The following PIK3R5 variants were observed in gnomAD, a reference collection of about 807,000 sequenced individuals.
The protein encoded by PIK3R5 is phosphoinositide 3-kinase regulatory subunit 5.
In PIK3R5, 32 loss-of-function variants were observed where a neutral mutation model predicts 94.9. That is an observed-to-expected ratio of 0.34 (90% CI 0.25 to 0.45). The LOEUF is 0.45. Among genes scored for constraint, PIK3R5 ranks in the 20% least tolerant of loss-of-function variants. The pLI is 1.00. For missense variants in PIK3R5, 853 were observed against 1,144.6 expected (o/e 0.75, Z 3.68); for synonymous variants, 443 against 479.4 (o/e 0.92, Z 0.99).
At chr17:8,933,027 G>A (rs562130216) in intron 1 of PIK3R5, among the ~76,000 whole-genome samples, 20 of 152,196 alleles carry the variant, frequency 1.3e-4, no homozygotes, top group African/African-American at 4.3e-4. Flanking sequence ...AGAAAACAAC[G>A]AGAAAAACTA....
chr17:8,899,339 G>T lies in PIK3R5; in HGVS notation c.412+5438C>A, dbSNP rs1174756904. 2.0e-5 allele frequency among the ~76,000 whole-genome samples: 3 copies of T among 152,176 alleles called. No individual in the cohort carries two copies. The East Asian group carries it at 5.8e-4, about 29-fold the overall frequency. ...GCAACTGGGTCCCTAAGACTTCACG[G>T]GGGGAGGGCCCACCTCCCCACGTCC... On this transcript the variant is annotated intron_variant, in intron 5 of 18. Coordinates refer to ENST00000447110, the MANE Select transcript of PIK3R5 (RefSeq NM_001142633.3).
chr17:8,892,587 T>G lies in PIK3R5; in HGVS notation c.482+999A>C, dbSNP rs1391865888. 1.3e-5 allele frequency among the ~76,000 whole-genome samples: 2 copies of G among 152,178 alleles called. No homozygotes were observed. Among genetic ancestry groups the G allele is most frequent in the African/African-American group, 4.8e-5 (2 of 41,444 alleles). On this transcript the variant is annotated intron_variant, in intron 6 of 18. Transcript: ENST00000447110. This position sits in a 1 kb window ranked among gnomAD's most constrained non-coding sequence, Gnocchi z 4.3. ...AGTCCGAATAAAGGTCTAAAGGGCT[T>G]TGATGATTCTTCATCAGCCCACCTG...
chr17:8,881,832 G>C lies in PIK3R5; in HGVS notation c.2255C>G (p.Thr752Ser). ...GCAGGCCTTGTTGAGGTTCACGGAG[G>C]TACAGACCTTCTCCAGGTTGCTCCA... Reference protein sequence around the residue: ...SRWSNLEKVCTSVNLNKACRK... With the variant: ...SRWSNLEKVCSSVNLNKACRK... The change falls in exon 16 of 19, where the codon ACC (threonine) becomes AGC (serine). Residue 752 changes from threonine to serine, a missense_variant. Around this residue, in one of 6 missense-constraint regions of PIK3R5, gnomAD observed 173 missense variants for 274.1 expected, o/e 0.63. Coordinates refer to ENST00000447110, the MANE Select transcript of PIK3R5 (RefSeq NM_001142633.3). The surrounding 1 kb of genome is among the most constrained non-coding windows in gnomAD (Gnocchi z 4.8). The C allele has an allele frequency of 6.2e-7, 1 of 1,614,170 alleles. No homozygotes were observed. Among genetic ancestry groups the C allele is most frequent in the Non-Finnish European group, 8.5e-7 (1 of 1,180,012 alleles).
chr17:8,887,575 AG>A lies in PIK3R5; in HGVS notation c.1724del (p.Pro575LeufsTer64). On this transcript the variant is annotated frameshift_variant, in exon 11 of 19. Coordinates refer to ENST00000447110, the MANE Select transcript of PIK3R5 (RefSeq NM_001142633.3). LOFTEE classifies it high-confidence loss of function. ...TCGGGGGTGAGGGCGTCTGGCTCCG[AG>A]GGGGTGGACAGGCACCAGGGCTGGT... is the stretch of plus-strand genomic sequence containing the variant. ...HGTSPGACPP[P>X]RSQTPSPPTD... 1.2e-6 allele frequency: 2 copies of A among 1,609,054 alleles called. No homozygotes were observed. The highest frequency in any genetic ancestry group is 1.7e-6 in the Non-Finnish European group (2 of 1,177,936).
Position 8,925,695 on chromosome 17 carries a change from A to G in PIK3R5, c.-13-14188T>C, listed in dbSNP as rs1245483217. Among the ~76,000 whole-genome samples, 1 of 152,248 alleles carries G rather than the reference A, an allele frequency of 6.6e-6. No individual in the cohort carries two copies. The highest frequency in any genetic ancestry group is 2.4e-5 in the African/African-American group (1 of 41,468). On this transcript the variant is annotated intron_variant, in intron 1 of 18. Coordinates refer to ENST00000447110, the MANE Select transcript of PIK3R5 (RefSeq NM_001142633.3). This position sits in a 1 kb window ranked among gnomAD's most constrained non-coding sequence, Gnocchi z 5.1. ...GAAAATCCAGGCTTAGGTTCAGGCC[A>G]AAATCTCTATAATAAGTGGGTACAG...
chr17:8,922,226 G>C (rs554885926), intron 1 of PIK3R5, among the ~76,000 whole-genome samples: 54 of 152,186 alleles, frequency 3.5e-4, no homozygotes, highest in Middle Eastern at 3.4e-3. Context: ...TGGCTGATCT[G>C]TGTCAGGTAC....
At chr17:8,958,915 G>A (rs1351371427) in intron 1 of PIK3R5, among the ~76,000 whole-genome samples, 3 of 151,970 alleles carry the variant, frequency 2.0e-5, no homozygotes, top group South Asian at 4.2e-4. Flanking sequence ...GTGCCATCAC[G>A]CCCGGCTAAT....
chr17:8,917,773 G>C (rs760574038), intron 1 of PIK3R5, among the ~76,000 whole-genome samples: 2 of 152,182 alleles, frequency 1.3e-5, no homozygotes, highest in Non-Finnish European at 2.9e-5. Flanking sequence ...GGCTGAGACA[G>C]AAGAATTGCT....
rs973991411 is a variant in PIK3R5 at position 8,946,483 on chromosome 17, C to A, written c.-14+19113G>T. Among the ~76,000 whole-genome samples, 36 of 151,780 alleles carry A rather than the reference C, an allele frequency of 2.4e-4. 1 individual carries two copies. The highest frequency in any genetic ancestry group is 7.7e-4 in the African/African-American group (32 of 41,354). On this transcript the variant is annotated intron_variant, in intron 1 of 18. Transcript: ENST00000447110. The stretch of plus-strand genomic sequence containing the variant: ...GAAAACTACTATGAGACAGCACCAT[C>A]CATAAGGCATCCAAGATAATCACAG...
chr17:8,964,326 G>C (rs768059979), intron 1 of PIK3R5, among the ~76,000 whole-genome samples: 1 of 152,078 alleles, frequency 6.6e-6, no homozygotes, highest in Non-Finnish European at 1.5e-5. Context: ...GGGAATTTAA[G>C]GCTGCAGTGA....
In PIK3R5 at chr17:8,911,145, A is replaced by C. The variant is rs1051812454; in HGVS notation, c.103+247T>G. On this transcript the variant is annotated intron_variant, in intron 2 of 18. Coordinates refer to ENST00000447110, the MANE Select transcript of PIK3R5 (RefSeq NM_001142633.3). This position sits in a 1 kb window ranked among gnomAD's most constrained non-coding sequence, Gnocchi z 5.3. ...ATTCGATGGATTCTTCCAGAAGTAAAAGGCAGCCAGCCCTGAGTAGGATGA... is the reference window on the plus strand; with the variant it reads ...ATTCGATGGATTCTTCCAGAAGTAACAGGCAGCCAGCCCTGAGTAGGATGA... Among the ~76,000 whole-genome samples, 4 of 152,208 alleles carry C rather than the reference A, an allele frequency of 2.6e-5. No homozygotes were observed. Among genetic ancestry groups the C allele is most frequent in the Non-Finnish European group, 5.9e-5 (4 of 68,036 alleles).
At chr17:8,906,062 A>T (rs2090390253) in intron 3 of PIK3R5, among the ~76,000 whole-genome samples, 1 of 152,152 alleles carries the variant, frequency 6.6e-6, no homozygotes, top group African/African-American at 2.4e-5. Flanking sequence ...ATAGGTATAC[A>T]TGTGCCATGG....
chr17:8,955,186 C>T lies in PIK3R5; in HGVS notation c.-14+10410G>A, dbSNP rs955594832. ...CACAGAGGTCTCAGATGGGGAGCAG[C>T]CCAGCCTGCCCGATCATCAGTCATC... On this transcript the variant is annotated intron_variant, in intron 1 of 18. Coordinates refer to ENST00000447110, the MANE Select transcript of PIK3R5 (RefSeq NM_001142633.3). The surrounding 1 kb of genome is among the most constrained non-coding windows in gnomAD (Gnocchi z 4.4). Among the ~76,000 whole-genome samples the T allele has an allele frequency of 2.6e-5, 4 of 152,150 alleles. No individual in the cohort carries two copies. The highest frequency in any genetic ancestry group is 9.7e-5 in the African/African-American group (4 of 41,424).
intron 1 of PIK3R5, among the ~76,000 whole-genome samples, chr17:8,927,147 G>T (rs1255879026): frequency 6.6e-6 from 1 of 152,158 alleles, no homozygotes; most frequent in Non-Finnish European, 1.5e-5. Context: ...TGAACAGCCA[G>T]CAATCTGAAA....
intron 5 of PIK3R5, among the ~76,000 whole-genome samples, chr17:8,894,877 CG>C (rs57435508): frequency 0.012 from 1,407 of 117,756 alleles, 14 homozygotes; most frequent in Non-Finnish European, 0.015. Flanking sequence ...GTCTCGGGGG[CG>C]GGGTAGGGCG....
In PIK3R5 at chr17:8,881,054, C is replaced by G; in HGVS notation, c.2383-37G>C. 6.9e-7 allele frequency: 1 copy of G among 1,447,042 alleles called. No individual in the cohort carries two copies. The highest frequency in any genetic ancestry group is 1.1e-5 in the South Asian group (1 of 87,830). The allele number at this position is 1,447,042 out of a possible 1,614,324, so 89.6% of individuals were successfully genotyped here. ...GCCCAGGTCAGCCCCAAATCCCTGG[C>G]CATCCAACACTGCCAGCCCCTGGCA... On this transcript the variant is annotated intron_variant, in intron 17 of 18. Coordinates refer to ENST00000447110, the MANE Select transcript of PIK3R5 (RefSeq NM_001142633.3). The surrounding 1 kb of genome is among the most constrained non-coding windows in gnomAD (Gnocchi z 4.8).
Position 8,904,547 on chromosome 17 carries a change from C to A in PIK3R5, c.412+230G>T, listed in dbSNP as rs2090355162. Among the ~76,000 whole-genome samples, 1 of 152,222 alleles carries A rather than the reference C, an allele frequency of 6.6e-6. No homozygotes were observed. The highest frequency in any genetic ancestry group is 2.1e-4 in the South Asian group (1 of 4,828). On this transcript the variant is annotated intron_variant, in intron 5 of 18. Coordinates refer to ENST00000447110, the MANE Select transcript of PIK3R5 (RefSeq NM_001142633.3). The surrounding 1 kb of genome is among the most constrained non-coding windows in gnomAD (Gnocchi z 5.1). ...GAGTGCCTGCTCCTACTTCCCCTAA[C>A]AATCCCTCCTCGAGTTACCTCCCAT...
chr17:8,959,275 G>C (rs923007236), intron 1 of PIK3R5, among the ~76,000 whole-genome samples: 1 of 152,182 alleles, frequency 6.6e-6, no homozygotes, highest in South Asian at 2.1e-4. Flanking sequence ...CTCCCACAGG[G>C]AGCTGTGCTG....
At position 8,945,842 on chromosome 17, in the gene PIK3R5, T is replaced by C. The variant is rs529620433; in HGVS notation, c.-14+19754A>G. ...TGTGTGGCTTCCAAGGCTAGGTCAC[T>C]AAAGACCATGCAGCTACTGTCTTGT... On this transcript the variant is annotated intron_variant, in intron 1 of 18. Transcript: ENST00000447110. This position sits in a 1 kb window ranked among gnomAD's most constrained non-coding sequence, Gnocchi z 4.0. 2.6e-5 allele frequency among the ~76,000 whole-genome samples: 4 copies of C among 152,284 alleles called. No individual in the cohort carries two copies. The South Asian group carries it at 8.3e-4, about 32-fold the overall frequency.
Sources: allele counts gnomAD v4.1 joint callset (sites outside exome capture counted in the v4.1 genomes callset), GRCh38; gene constraint gnomAD v4.1.1; regional missense constraint gnomAD v4.1.1; non-coding constraint Gnocchi (gnomAD v3.1); transcripts MANE v1.5; gene names NCBI Gene and HGNC (gene_info 2026-07-23, HGNC 2026-07-21).